Variants in GABRB2 observed in about 807,000 individuals in gnomAD.
GABRB2 encodes the protein gamma-aminobutyric acid type A receptor subunit beta2.
GABRB2 carries 16 observed loss-of-function variants against 54.7 expected under a neutral mutation model. The observed-to-expected ratio is 0.29, with a 90% CI of 0.20 to 0.44. The LOEUF is 0.44. Among genes scored for constraint, GABRB2 ranks in the 20% least tolerant of loss-of-function variants. GABRB2 has a pLI of 1.00. For synonymous variants in GABRB2, 244 were observed against 233.8 expected (o/e 1.04, Z -0.40); for missense variants, 355 against 644.0 (o/e 0.55, Z 4.86).
intron 3 of GABRB2, among the ~76,000 whole-genome samples, chr5:161,530,536 A>G (rs1760421940): frequency 6.6e-6 from 1 of 152,058 alleles, no homozygotes; most frequent in Admixed American, 6.6e-5. Context: ...AGGAAATCCT[A>G]CTCTGTAGTG....
intron 4 of GABRB2, among the ~76,000 whole-genome samples, chr5:161,457,472 G>A (rs933067456): frequency 6.8e-6 from 1 of 146,268 alleles, no homozygotes; most frequent in East Asian, 2.0e-4. Context: ...TTGAGATGGA[G>A]TCTTGCCATG....
intron 5 of GABRB2, among the ~76,000 whole-genome samples, chr5:161,359,355 T>C (rs997653439): frequency 1.3e-5 from 2 of 152,160 alleles, no homozygotes; most frequent in Non-Finnish European, 2.9e-5. Flanking sequence ...TAAACTTCTA[T>C]AAACCTAAAT....
intron 3 of GABRB2, among the ~76,000 whole-genome samples, chr5:161,520,824 G>A (rs924868596): frequency 1.4e-4 from 21 of 151,980 alleles, no homozygotes; most frequent in African/African-American, 4.8e-4. Flanking sequence ...ATTTACCTTA[G>A]TGAAATGAAT....
chr5:161,302,981 G>A lies in GABRB2; in HGVS notation c.1192-8553C>T, dbSNP rs865896630. Among the ~76,000 whole-genome samples, 10 of 152,150 alleles carry A rather than the reference G, an allele frequency of 6.6e-5. No homozygotes were observed. The South Asian group carries it at 1.2e-3, about 19-fold the overall frequency. On this transcript the variant is annotated intron_variant, in intron 9 of 9. Coordinates refer to ENST00000393959, the MANE Select transcript of GABRB2 (RefSeq NM_001371727.1). ...CAGGAAATACTGCTAAAATACCCAG[G>A]TAGTTTTATGAAAGTAATTTTTAAT...
At chr5:161,437,271 T>C (rs1468655138) in intron 4 of GABRB2, among the ~76,000 whole-genome samples, 2 of 151,138 alleles carry the variant, frequency 1.3e-5, no homozygotes, top group Non-Finnish European at 2.9e-5. Context: ...AGGAAGGAGG[T>C]GGGAGGGCTT....
intron 5 of GABRB2, among the ~76,000 whole-genome samples, chr5:161,365,497 T>C (rs1391156758): frequency 6.6e-6 from 1 of 152,240 alleles, no homozygotes; most frequent in Non-Finnish European, 1.5e-5. Context: ...AGTGATGTTT[T>C]AATACAGATA....
rs537585222 is a variant in GABRB2, at chr5:161,457,221, G to A, written c.458+2403C>T. 4.6e-5 allele frequency among the ~76,000 whole-genome samples: 7 copies of A among 152,226 alleles called. No individual in the cohort carries two copies. The East Asian group carries it at 1.4e-3, about 29-fold the overall frequency. The stretch of plus-strand genomic sequence containing the variant: ...GTGGGGAAGTGTTAATTCTATGTAT[G>A]TTAGATGTGTTCAGGAACCTGCATA... On this transcript the variant is annotated intron_variant, in intron 4 of 9. Transcript: ENST00000393959.
chr5:161,525,071 T>C (rs888850561), intron 3 of GABRB2, among the ~76,000 whole-genome samples: 2 of 151,378 alleles, frequency 1.3e-5, no homozygotes, highest in Admixed American at 1.3e-4. Context: ...GGCAGTATTT[T>C]GGACTTTGCA....
At chr5:161,413,811 AAGAG>A (rs1342139719) in intron 4 of GABRB2, among the ~76,000 whole-genome samples, 3 of 152,196 alleles carry the variant, frequency 2.0e-5, no homozygotes, top group African/African-American at 7.2e-5. Flanking sequence ...CAATTAAAAA[AAGAG>A]AGAGAGCCAA....
chr5:161,300,911 A>G (rs1472762519), intron 9 of GABRB2, among the ~76,000 whole-genome samples: 2 of 152,226 alleles, frequency 1.3e-5, no homozygotes, highest in Non-Finnish European at 2.9e-5. Flanking sequence ...AACAGCTTTC[A>G]TAGACAGAGA....
intron 3 of GABRB2, among the ~76,000 whole-genome samples, chr5:161,511,355 A>G (rs1181736666): frequency 6.6e-6 from 1 of 152,040 alleles, no homozygotes; most frequent in Non-Finnish European, 1.5e-5. Context: ...AAATTGATAA[A>G]AATCAAGAAT....
At chr5:161,471,389 C>A (rs960127809) in intron 3 of GABRB2, among the ~76,000 whole-genome samples, 12 of 151,970 alleles carry the variant, frequency 7.9e-5, no homozygotes, top group African/African-American at 2.9e-4. Context: ...AAACTCAGCT[C>A]CCCCTTAATA....
chr5:161,547,388 A>T (rs190152122), upstream of GABRB2, among the ~76,000 whole-genome samples: 257 of 152,184 alleles, frequency 1.7e-3, no homozygotes, highest in Non-Finnish European at 3.1e-3. Context: ...AGAGAAAGAA[A>T]AGAATAAAAT....
intron 3 of GABRB2, among the ~76,000 whole-genome samples, chr5:161,532,292 CTCAG>C (rs1249018899): frequency 1.3e-5 from 2 of 152,084 alleles, no homozygotes; most frequent in Non-Finnish European, 2.9e-5. Flanking sequence ...GTATTACCCA[CTCAG>C]TCAGTCCACT....
Position 161,334,885 on chromosome 5 carries a change from G to T in GABRB2, c.699C>A (p.Ser233=). The change falls in exon 7 of 10, where the codon TCC becomes TCA. Residue 233 remains serine (S), a synonymous_variant. Transcript: ENST00000393959. ...TGTTTCTCTTAAGCTTAAAGCTGAG[G>T]GATAACCTGGGATAGGAACCTAGAA... ...VFSTGSYPRL[S]LSFKLKRNIG... 1 of 1,613,808 alleles carries T rather than the reference G, an allele frequency of 6.2e-7. No individual in the cohort carries two copies. The highest frequency in any genetic ancestry group is 1.7e-5 in the Admixed American group (1 of 59,994).
chr5:161,546,281 T>C, intron 2 of GABRB2, 41 bp downstream of exon 2: 1 of 1,530,946 alleles, frequency 6.5e-7, no homozygotes, highest in Non-Finnish European at 9.1e-7. Flanking sequence ...AAAAGACAGC[T>C]TCGGCTGTGG....
chr5:161,514,047 T>C (rs1306370484), intron 3 of GABRB2, among the ~76,000 whole-genome samples: 3 of 152,142 alleles, frequency 2.0e-5, no homozygotes, highest in Admixed American at 2.0e-4. Context: ...GTTTTTCATA[T>C]AGTTGTACTC....
intron 4 of GABRB2, among the ~76,000 whole-genome samples, chr5:161,424,736 G>A (rs66541073): frequency 0.18 from 26,666 of 151,938 alleles, 3,354 homozygotes; most frequent in African/African-American, 0.35. Context: ...TGACTTCCAA[G>A]TCTCATTATT....
chr5:161,463,890 T>C (rs1758203230), intron 3 of GABRB2, among the ~76,000 whole-genome samples: 1 of 151,704 alleles, frequency 6.6e-6, no homozygotes, highest in Non-Finnish European at 1.5e-5. Flanking sequence ...TACAAGTAGA[T>C]AAATGGATAC....
Sources: gnomAD v4.1 joint callset for allele counts (sites outside exome capture counted in the v4.1 genomes callset) on GRCh38, gnomAD v4.1.1 for gene constraint, MANE v1.5 for transcripts, NCBI Gene and HGNC (gene_info 2026-07-23, HGNC 2026-07-21) for gene names.